The following LRP12 variants were observed in gnomAD, a reference collection of about 807,000 sequenced individuals.
LRP12 encodes the protein low-density lipoprotein receptor-related protein 12.
A neutral mutation model predicts 66.0 loss-of-function variants in LRP12; 14 were observed. The observed-to-expected ratio is 0.21, with a 90% CI of 0.14 to 0.33. The LOEUF (loss-of-function observed/expected upper bound fraction) is 0.33. Among genes scored for constraint, LRP12 ranks in the 10% least tolerant of loss-of-function variants. The pLI is 1.00. For synonymous variants in LRP12, 357 were observed against 359.1 expected, an observed-to-expected ratio of 0.99 and a Z score of 0.07; for missense variants, 889 against 1,053.4, an observed-to-expected ratio of 0.84 and a Z score of 2.16.
intron 1 of LRP12, among the ~76,000 whole-genome samples, chr8:104,548,185 T>TATATAATATATAATATATAATATATA (rs1393316805): frequency 6.8e-5 from 7 of 103,226 alleles, no homozygotes; most frequent in Non-Finnish European, 1.0e-4. Context: ...TAATATATAA[T>TATATAATATATAATATATAATATATA]ATATATATAA....
intron 1 of LRP12, among the ~76,000 whole-genome samples, chr8:104,564,523 T>A (rs1171961575): frequency 6.6e-6 from 1 of 151,706 alleles, no homozygotes; most frequent in African/African-American, 2.4e-5. Context: ...TATTCTCAGG[T>A]GTAGGGATGA....
At chr8:104,548,318 TATATAATATATATTATATAAA>T (rs1811652997) in intron 1 of LRP12, among the ~76,000 whole-genome samples, 1 of 19,208 alleles carries the variant, frequency 5.2e-5, no homozygotes, top group Non-Finnish European at 7.6e-5. Context: ...ATTATATAAA[TATATAATATATATTATATAAA>T]TATATAAATA....
chr8:104,569,640 CA>C (rs1177759851), intron 1 of LRP12, among the ~76,000 whole-genome samples: 2 of 151,892 alleles, frequency 1.3e-5, no homozygotes, highest in Non-Finnish European at 2.9e-5. Flanking sequence ...AAACTCTTAG[CA>C]AACTAGGAAT....
At chr8:104,548,623 A>ATAATTATTATATAATTAAATTAATTATG (rs1473855354) in intron 1 of LRP12, among the ~76,000 whole-genome samples, 14 of 109,936 alleles carry the variant, frequency 1.3e-4, no homozygotes, top group Admixed American at 6.0e-4. Context: ...AATTAATTAT[A>ATAATTATTATATAATTAAATTAATTATG]TAATTATTAT....
chr8:104,537,863 A>G (rs1336218350), intron 1 of LRP12, among the ~76,000 whole-genome samples: 1 of 152,168 alleles, frequency 6.6e-6, no homozygotes, highest in Non-Finnish European at 1.5e-5. Flanking sequence ...AAAGTTCTAG[A>G]ACAGGAAACA....
At position 104,540,439 on chromosome 8, in the gene LRP12, A is replaced by G. The variant is rs187480871; in HGVS notation, c.80-8476T>C. ...ATTTTTGGGAATCCCTTTCAAGTGT[A>G]TGACAAATTCAGTACATTCTTCTAA... On this transcript the variant is annotated intron_variant, in intron 1 of 6. Coordinates refer to ENST00000276654, the MANE Select transcript of LRP12 (RefSeq NM_013437.5). Among the ~76,000 whole-genome samples, 776 of 152,278 alleles carry G rather than the reference A, an allele frequency of 5.1e-3. 6 individuals carry two copies. The highest frequency in any genetic ancestry group is 0.012 in the Admixed American group (178 of 15,290).
At chr8:104,568,802 C>A (rs563351793) in intron 1 of LRP12, among the ~76,000 whole-genome samples, 101 of 152,232 alleles carry the variant, frequency 6.6e-4, no homozygotes, top group African/African-American at 2.4e-3. Context: ...TGTGGAGAGA[C>A]TGGAACCCTC....
intron 1 of LRP12, among the ~76,000 whole-genome samples, chr8:104,561,143 CA>C (rs1326190276): frequency 1.3e-5 from 2 of 152,086 alleles, no homozygotes; most frequent in African/African-American, 4.8e-5. Flanking sequence ...GTTTAAAAAA[CA>C]AAACAAAACA....
chr8:104,525,392 T>C (rs1348803011), intron 2 of LRP12, among the ~76,000 whole-genome samples: 2 of 152,044 alleles, frequency 1.3e-5, no homozygotes, highest in African/African-American at 4.8e-5. Context: ...AAGGCAAAGA[T>C]TTATCTTTCC....
At position 104,541,124 on chromosome 8, in the gene LRP12, T is replaced by C. The variant is rs1383869626; in HGVS notation, c.80-9161A>G. ...TGTTAGTAAGATTTTATGTTTGAAA[T>C]GTCTTGGAAATAAGGATATAATGAC... On this transcript the variant is annotated intron_variant, in intron 1 of 6. Coordinates refer to ENST00000276654, the MANE Select transcript of LRP12 (RefSeq NM_013437.5). Among the ~76,000 whole-genome samples, 4 of 152,208 alleles carry C rather than the reference T, an allele frequency of 2.6e-5. No homozygotes were observed. In the East Asian group the frequency reaches 7.7e-4, roughly 29 times the overall value.
At chr8:104,562,893 G>A (rs1162100262) in intron 1 of LRP12, among the ~76,000 whole-genome samples, 1 of 152,148 alleles carries the variant, frequency 6.6e-6, no homozygotes, top group African/African-American at 2.4e-5. Flanking sequence ...AATTCAGAAA[G>A]AATTAATGAT....
chr8:104,570,676 GA>G, intron 1 of LRP12, among the ~76,000 whole-genome samples: 2 of 151,938 alleles, frequency 1.3e-5, no homozygotes, highest in Admixed American at 6.5e-5. Context: ...AAAACTTTCA[GA>G]AAAAAAGCAG....
chr8:104,570,675 A>G (rs1812063935), intron 1 of LRP12, among the ~76,000 whole-genome samples: 2 of 152,226 alleles, frequency 1.3e-5, no homozygotes, highest in Non-Finnish European at 2.9e-5. Context: ...TAAAACTTTC[A>G]GAAAAAAAGC....
intron 1 of LRP12, among the ~76,000 whole-genome samples, chr8:104,567,465 G>C (rs528844535): frequency 2.0e-4 from 30 of 152,110 alleles, no homozygotes; most frequent in African/African-American, 6.8e-4. Context: ...CCCATAACAC[G>C]AGGGAATTCT....
intron 1 of LRP12, among the ~76,000 whole-genome samples, chr8:104,575,986 T>C (rs1812159111): frequency 6.6e-6 from 1 of 152,030 alleles, no homozygotes; most frequent in Non-Finnish European, 1.5e-5. Flanking sequence ...TCATAAGTAT[T>C]AATAGCAGAA....
intron 1 of LRP12, among the ~76,000 whole-genome samples, chr8:104,588,462 T>C (rs944783643): frequency 2.0e-5 from 3 of 152,032 alleles, no homozygotes; most frequent in African/African-American, 7.2e-5. Flanking sequence ...TTTCTCACAG[T>C]CAAGCATCTT....
intron 1 of LRP12, among the ~76,000 whole-genome samples, chr8:104,535,547 A>G (rs1196862476): frequency 6.6e-6 from 1 of 152,010 alleles, no homozygotes; most frequent in Non-Finnish European, 1.5e-5. Context: ...GTTCTTAAGA[A>G]TAGCTAATAA....
In LRP12 at chr8:104,497,628, A is replaced by G; in HGVS notation, c.924T>C (p.Gly308=). The G allele has an allele frequency of 6.2e-7, 1 of 1,614,114 alleles. No homozygotes were observed. Among genetic ancestry groups the G allele is most frequent in the African/African-American group, 1.3e-5 (1 of 75,048 alleles). The change falls in exon 5 of 7, where the codon GGT becomes GGC. Residue 308 remains glycine, a synonymous_variant. Transcript: ENST00000276654. The surrounding 1 kb of genome is among the most constrained non-coding windows in gnomAD (Gnocchi z 4.3). ...TTTTGACATAATCACCATAACCAGT[A>G]CCATCAAGTTTAAAGTCAGTGAAGC... The part of the protein sequence containing the change: ...ILRFTDFKLD[G]TGYGDYVKIY...
intron 1 of LRP12, among the ~76,000 whole-genome samples, chr8:104,573,310 C>T (rs1564148417): frequency 1.3e-5 from 2 of 152,174 alleles, no homozygotes; most frequent in Admixed American, 6.5e-5. Flanking sequence ...TCCACACAAA[C>T]CGGATGTACC....
Sources: allele counts gnomAD v4.1 joint callset (sites outside exome capture counted in the v4.1 genomes callset), GRCh38; gene constraint gnomAD v4.1.1; non-coding constraint Gnocchi (gnomAD v3.1); transcripts MANE v1.5; gene names NCBI Gene and HGNC (gene_info 2026-07-23, HGNC 2026-07-21).